The following TTC6 variants were observed in gnomAD, a reference collection of about 807,000 sequenced individuals.
TTC6 encodes the protein tetratricopeptide repeat protein 6.
In TTC6, 172 loss-of-function variants were observed where a neutral mutation model predicts 210.4. That is an observed-to-expected ratio of 0.82 (90% confidence interval 0.72 to 0.93). TTC6 has a LOEUF of 0.93. TTC6 is among the 40% of genes least tolerant of loss of function. The probability of loss-of-function intolerance (pLI) is 0.00; values close to 1 mark genes in which losing one functional copy is unlikely to be tolerated. For synonymous variants in TTC6, 804 were observed against 819.6 expected, an observed-to-expected ratio of 0.98 and a Z score of 0.32; for missense variants, 2,414 against 2,318.1, an observed-to-expected ratio of 1.04 and a Z score of -0.85.
chr14:37,664,114 A>G (rs1200685730), intron 1 of TTC6, among the ~76,000 whole-genome samples: 2 of 150,674 alleles, frequency 1.3e-5, no homozygotes, highest in Admixed American at 6.6e-5. Context: ...TTCCCATTAA[A>G]CTACCATTGA....
At chr14:37,759,078 C>G (rs1399455403) in intron 14 of TTC6, among the ~76,000 whole-genome samples, 1 of 151,922 alleles carries the variant, frequency 6.6e-6, no homozygotes, top group Admixed American at 6.6e-5. Context: ...TGAGACCATC[C>G]TGGCTAACAT....
chr14:37,793,712 A>G (rs930826482), intron 17 of TTC6, among the ~76,000 whole-genome samples: 3 of 152,230 alleles, frequency 2.0e-5, no homozygotes, highest in Non-Finnish European at 2.9e-5. Context: ...TGGAAACACT[A>G]GCATGATAGC....
intron 1 of TTC6, among the ~76,000 whole-genome samples, chr14:37,628,662 C>G (rs1435581098): frequency 1.3e-5 from 2 of 152,070 alleles, no homozygotes; most frequent in Non-Finnish European, 2.9e-5. Flanking sequence ...TTTGCTGTTT[C>G]AATCATGAAG....
chr14:37,609,490 C>A (rs1235583371), intron 2 of TTC6, among the ~76,000 whole-genome samples: 1 of 152,136 alleles, frequency 6.6e-6, no homozygotes, highest in Admixed American at 6.5e-5. Flanking sequence ...GCTAGGGGAC[C>A]TCAGGTGAAT....
chr14:37,764,292 A>G (rs891477126), intron 14 of TTC6, among the ~76,000 whole-genome samples: 2 of 152,126 alleles, frequency 1.3e-5, no homozygotes, highest in African/African-American at 4.8e-5. Flanking sequence ...AGGTCTAGTT[A>G]GTTTATACTA....
chr14:37,621,394 G>A (rs999805399), upstream of TTC6, among the ~76,000 whole-genome samples: 5 of 152,196 alleles, frequency 3.3e-5, no homozygotes, highest in Non-Finnish European at 7.3e-5. Context: ...AGGATGGCAT[G>A]AGCCCAGGGA....
intron 1 of TTC6, among the ~76,000 whole-genome samples, chr14:37,647,851 A>C (rs1405820909): frequency 6.6e-6 from 1 of 152,102 alleles, no homozygotes; most frequent in Admixed American, 6.6e-5. Flanking sequence ...AAAGAAGCTG[A>C]GGGGAGCCTG....
intron 1 of TTC6, among the ~76,000 whole-genome samples, chr14:37,635,314 A>G (rs1022479285): frequency 3.9e-5 from 6 of 152,232 alleles, no homozygotes; most frequent in East Asian, 1.9e-4. Flanking sequence ...TAAAAAAGGT[A>G]TACAAAGCGA....
chr14:37,640,875 A>G (rs887141397), intron 1 of TTC6, among the ~76,000 whole-genome samples: 5 of 152,178 alleles, frequency 3.3e-5, no homozygotes, highest in African/African-American at 1.2e-4. Flanking sequence ...TTACATTTTA[A>G]GGACTTGTCC....
At chr14:37,723,449 TA>T (rs1303710428) in intron 6 of TTC6, among the ~76,000 whole-genome samples, 16 of 152,206 alleles carry the variant, frequency 1.1e-4, no homozygotes, top group Non-Finnish European at 1.3e-4. Flanking sequence ...GTATCTATAG[TA>T]AGCTAAATAT....
At chr14:37,604,456 C>T (rs1001101380) in intron 1 of TTC6, among the ~76,000 whole-genome samples, 3 of 152,106 alleles carry the variant, frequency 2.0e-5, no homozygotes, top group Non-Finnish European at 2.9e-5. Flanking sequence ...GTCCCTTCCT[C>T]CCCCTAGGCG....
At position 37,659,765 on chromosome 14, in the gene TTC6, C is replaced by A. The variant is rs192701691; in HGVS notation, c.940-20386C>A. 7.6e-4 allele frequency among the ~76,000 whole-genome samples: 115 copies of A among 152,284 alleles called. 1 individual carries two copies. The highest frequency in any genetic ancestry group is 2.7e-3 in the African/African-American group (112 of 41,556). On this transcript the variant is annotated intron_variant, in intron 1 of 30. Transcript: ENST00000553443. ...CGAACTCCTGACCTCAGGTGATCCG[C>A]CCACCTTGGCCTCCCAAAGTGTTGG...
At chr14:37,597,008 T>A (rs1190970932) in intron 1 of TTC6, among the ~76,000 whole-genome samples, 1 of 119,240 alleles carries the variant, frequency 8.4e-6, no homozygotes, top group Non-Finnish European at 1.8e-5. Flanking sequence ...GGATTACATT[T>A]TTTTTTTTTT....
chr14:37,741,446 A>G (rs773348714), intron 10 of TTC6, among the ~76,000 whole-genome samples: 12 of 151,350 alleles, frequency 7.9e-5, no homozygotes, highest in Non-Finnish European at 1.6e-4. Flanking sequence ...GTGCCACCAC[A>G]CCTGGCTAAT....
At chr14:37,738,744 C>T (rs904081110) in intron 9 of TTC6, 32 bp from the exon 12 acceptor site, 21 of 1,407,144 alleles carry the variant, frequency 1.5e-5, no homozygotes, top group South Asian at 3.3e-5. Context: ...ATTGATTTTA[C>T]GTTTTTTCTA....
At chr14:37,681,691 A>G (rs971487080) in intron 2 of TTC6, among the ~76,000 whole-genome samples, 3 of 151,984 alleles carry the variant, frequency 2.0e-5, no homozygotes, top group Non-Finnish European at 4.4e-5. Context: ...TTGGACTTAT[A>G]CTAGTGGTTT....
intron 1 of TTC6, among the ~76,000 whole-genome samples, chr14:37,672,565 A>G (rs1044835886): frequency 2.6e-5 from 4 of 152,206 alleles, no homozygotes; most frequent in South Asian, 2.1e-4. Flanking sequence ...CAGTTGGTAC[A>G]TAATTCAAAG....
intron 7 of TTC6, among the ~76,000 whole-genome samples, chr14:37,731,448 G>C (rs1255043594): frequency 3.3e-5 from 5 of 152,136 alleles, no homozygotes; most frequent in Admixed American, 6.5e-5. Flanking sequence ...GCCTTGAAAA[G>C]GAAACTTCTT....
chr14:37,790,398 A>G (rs981382622), intron 15 of TTC6, among the ~76,000 whole-genome samples: 1 of 152,142 alleles, frequency 6.6e-6, no homozygotes, highest in South Asian at 2.1e-4. Flanking sequence ...TATCATGACC[A>G]TGGTCAATGT....
Sources: allele counts gnomAD v4.1 joint callset (sites outside exome capture counted in the v4.1 genomes callset), GRCh38; gene constraint gnomAD v4.1.1; transcripts MANE v1.5; gene names NCBI Gene and HGNC (gene_info 2026-07-23, HGNC 2026-07-21).